ZNF783: variants seen among roughly 807,000 people sequenced by gnomAD.
ZNF783 encodes the protein protein ZNF783.
In ZNF783, 25 loss-of-function variants were observed where a neutral mutation model predicts 31.3. That is an observed-to-expected ratio of 0.80 (90% CI 0.58 to 1.11). The LOEUF is 1.11. ZNF783 is among the 50% of genes most tolerant of loss of function. The pLI is 0.00. For missense variants in ZNF783, 797 were observed against 760.0 expected, an observed-to-expected ratio of 1.05 and a Z score of -0.57; for synonymous variants, 369 against 319.1, an observed-to-expected ratio of 1.16 and a Z score of -1.66.
chr7:149,263,512 A>C (rs1325544048), intron 1 of ZNF783, among the ~76,000 whole-genome samples: 1 of 151,930 alleles, frequency 6.6e-6, no homozygotes, highest in South Asian at 2.1e-4. Flanking sequence ...CTATCTGTCC[A>C]GATACATATC....
chr7:149,273,349 C>T (rs921213320), intron 4 of ZNF783, among the ~76,000 whole-genome samples: 1 of 152,128 alleles, frequency 6.6e-6, no homozygotes, highest in Non-Finnish European at 1.5e-5. Flanking sequence ...AGTGGTTGCA[C>T]TAATTTACAT....
At chr7:149,263,324 A>ATAT (rs1491469154) in intron 1 of ZNF783, among the ~76,000 whole-genome samples, 3 of 108,280 alleles carry the variant, frequency 2.8e-5, no homozygotes, top group East Asian at 2.2e-4. Flanking sequence ...ATATATATAT[A>ATAT]TTTTTTTTTT....
intron 1 of ZNF783, among the ~76,000 whole-genome samples, chr7:149,265,539 G>A (rs1797043211): frequency 6.6e-6 from 1 of 152,074 alleles, no homozygotes; most frequent in Non-Finnish European, 1.5e-5. Flanking sequence ...TCTCCCTTGT[G>A]TCTCCTCTTA....
chr7:149,266,309 T>G, intron 1 of ZNF783, 26 bp from the exon 2 acceptor site: 1 of 1,513,798 alleles, frequency 6.6e-7, no homozygotes, highest in Non-Finnish European at 8.8e-7. Flanking sequence ...TCTCATAACA[T>G]CTCTCTTTTC....
chr7:149,282,691 C>T lies in ZNF783; in HGVS notation c.*348C>T, dbSNP rs1317907600. On this transcript the variant is annotated 3_prime_UTR_variant, in exon 6 of 6. Transcript: ENST00000434415. ...GGGGACCTGGGATTTTTGTTTTGTGCAGAGATCTCCTGCCTGCTGTCACCA... is the reference window on the plus strand; with the variant it reads ...GGGGACCTGGGATTTTTGTTTTGTGTAGAGATCTCCTGCCTGCTGTCACCA... The T allele has an allele frequency of 8.6e-6, 2 of 233,550 alleles. No individual in the cohort carries two copies. Among genetic ancestry groups the T allele is most frequent in the African/African-American group, 4.5e-5 (2 of 44,450 alleles). 14.5% of individuals were successfully genotyped at this position (233,550 alleles called of 1,614,324 possible). A position where few individuals can be genotyped will look rare whatever the true frequency, so the allele number is the denominator to read the frequency against.
At chr7:149,276,551 A>G (rs1447116543) in intron 4 of ZNF783, 9 of 985,302 alleles carry the variant, frequency 9.1e-6, no homozygotes, top group African/African-American at 1.7e-5. Context: ...ATTACTTTTC[A>G]TCACTATTTT....
intron 4 of ZNF783, 68 bp downstream of exon 4, chr7:149,267,290 G>A (rs895465656): frequency 2.0e-6 from 3 of 1,514,622 alleles, no homozygotes; most frequent in East Asian, 2.3e-5. Flanking sequence ...CTACCCTCTC[G>A]GGCTTCCCAG....
chr7:149,264,187 T>G (rs1281060787), intron 1 of ZNF783, among the ~76,000 whole-genome samples: 1 of 152,248 alleles, frequency 6.6e-6, no homozygotes, highest in Non-Finnish European at 1.5e-5. Flanking sequence ...CCACATCAGT[T>G]TTTTCTTCAT....
chr7:149,270,531 T>G (rs1229011300), intron 4 of ZNF783, among the ~76,000 whole-genome samples: 2 of 152,262 alleles, frequency 1.3e-5, no homozygotes, highest in Non-Finnish European at 2.9e-5. Context: ...GACCCATGAC[T>G]TGGGCTTCTT....
rs1386140397 is a variant in ZNF783 at position 149,262,316 on chromosome 7, C to T, written c.-18C>T. 1.5e-6 allele frequency: 2 copies of T among 1,355,556 alleles called. No homozygotes were observed. Among genetic ancestry groups the T allele is most frequent in the South Asian group, 1.6e-5 (1 of 61,298 alleles). The allele number at this position is 1,355,556 out of a possible 1,614,324, so 84.0% of individuals were successfully genotyped here. On this transcript the variant is annotated 5_prime_UTR_variant, in exon 1 of 6. Transcript: ENST00000434415. ...GCCGGGTCCAGGGACTGCAACCCAG[C>T]GAGGGACGCGGGCAGCCATGGCCGA...
Position 149,281,695 on chromosome 7 carries a change from G to A in ZNF783, c.993G>A (p.Pro331=), listed in dbSNP as rs1797471770. ...TGCGGGCAGGGGAGCCACGGCCACC[G>A]GGGGCCAGTGGGGAGACGCCCCGAG... ...PRVRAGEPRP[P]GASGETPRVL... is the part of the protein sequence containing the mutation. The change falls in exon 6 of 6, where the codon CCG becomes CCA. Residue 331 remains proline, a synonymous_variant. Transcript: ENST00000434415. 10 of 1,489,220 alleles carry A rather than the reference G, an allele frequency of 6.7e-6. No individual in the cohort carries two copies. Among genetic ancestry groups the A allele is most frequent in the South Asian group, 1.4e-5 (1 of 73,982 alleles). The allele number at this position is 1,489,220 out of a possible 1,614,324, so 92.3% of individuals were successfully genotyped here. A position where few individuals can be genotyped will look rare whatever the true frequency, so the allele number is the denominator to read the frequency against.
intron 1 of ZNF783, among the ~76,000 whole-genome samples, chr7:149,264,944 A>AGGGGAGAAGGCTGGAAGTC (rs1797029576): frequency 8.6e-6 from 1 of 116,170 alleles, no homozygotes; most frequent in Non-Finnish European, 1.8e-5. Context: ...GCCTGGAAGT[A>AGGGGAGAAGGCTGGAAGTC]GGGGAGAAGG....
rs543583157 is a variant in ZNF783, at chr7:149,274,250, A to G, written c.674-4149A>G. Among the ~76,000 whole-genome samples, 3 of 152,122 alleles carry G rather than the reference A, an allele frequency of 2.0e-5. No individual in the cohort carries two copies. In the East Asian group the frequency reaches 5.8e-4, roughly 29 times the overall value. The stretch of plus-strand genomic sequence containing the variant: ...TATTTTGATTTGATTTCTGTATATG[A>G]TGAGAGATAGGAGTTTAGTTTTATT... On this transcript the variant is annotated intron_variant, in intron 4 of 5. Coordinates refer to ENST00000434415, the MANE Select transcript of ZNF783 (RefSeq NM_001195220.2).
intron 5 of ZNF783, among the ~76,000 whole-genome samples, chr7:149,279,632 G>GTTTTTTTTTTTTTTTTTTTT (rs764203926): frequency 4.0e-5 from 4 of 100,338 alleles, no homozygotes; most frequent in Non-Finnish European, 5.9e-5. Context: ...TTTTATCTTT[G>GTTTTTTTTTTTTTTTTTTTT]TTTTTTTTTT....
intron 4 of ZNF783, among the ~76,000 whole-genome samples, chr7:149,271,673 G>C (rs1429727636): frequency 6.6e-6 from 1 of 152,130 alleles, no homozygotes; most frequent in African/African-American, 2.4e-5. Flanking sequence ...GATTTAACAG[G>C]GTAGATTCAA....
intron 1 of ZNF783, among the ~76,000 whole-genome samples, chr7:149,264,974 C>CTGGAAGTGGGGGAGAAGGG (rs1797030502): frequency 7.6e-6 from 1 of 131,306 alleles, no homozygotes; most frequent in African/African-American, 2.8e-5. Flanking sequence ...GGGGAGAAGG[C>CTGGAAGTGGGGGAGAAGGG]TGGAAGTGGG....
chr7:149,275,381 T>C (rs564374078), intron 4 of ZNF783, among the ~76,000 whole-genome samples: 8 of 151,914 alleles, frequency 5.3e-5, no homozygotes, highest in African/African-American at 1.9e-4. Flanking sequence ...GGCGCGATCT[T>C]GGCTCACTGC....
chr7:149,281,779 C>T lies in ZNF783; in HGVS notation c.1077C>T (p.Arg359=). Residue 359 remains arginine, a synonymous_variant, in exon 6 of 6, where the codon CGC becomes CGT. Transcript: ENST00000434415. ...FPCPDCGQSF[R]LKINLTIHQR... is the part of the protein sequence containing the mutation. ...GCCCCGACTGCGGGCAGAGCTTCCG[C>T]CTGAAGATCAATCTGACGATTCATC... 3.3e-6 allele frequency: 5 copies of T among 1,512,770 alleles called. No homozygotes were observed. Among genetic ancestry groups the T allele is most frequent in the Non-Finnish European group, 4.4e-6 (5 of 1,139,860 alleles). The allele number at this position is 1,512,770 out of a possible 1,614,324, so 93.7% of individuals were successfully genotyped here. A position where few individuals can be genotyped will look rare whatever the true frequency, so the allele number is the denominator to read the frequency against.
intron 4 of ZNF783, among the ~76,000 whole-genome samples, chr7:149,272,156 C>T (rs1462192043): frequency 6.6e-6 from 1 of 151,980 alleles, no homozygotes; most frequent in Non-Finnish European, 1.5e-5. Context: ...TAGCTGGGAC[C>T]ACAGGTGTGC....
Sources: gnomAD v4.1 joint callset for allele counts (sites outside exome capture counted in the v4.1 genomes callset) on GRCh38, gnomAD v4.1.1 for gene constraint, MANE v1.5 for transcripts, NCBI Gene and HGNC (gene_info 2026-07-23, HGNC 2026-07-21) for gene names.